Variants in CENPF observed in about 807,000 individuals in gnomAD.
The protein encoded by CENPF is centromere protein F.
In CENPF, 214 loss-of-function variants were observed where a neutral mutation model predicts 307.3. The observed-to-expected ratio is 0.70, with a 90% CI of 0.62 to 0.78. The LOEUF is 0.78. Among genes scored for constraint, CENPF ranks in the 30% least tolerant of loss-of-function variants. The pLI, the probability that CENPF is intolerant of heterozygous loss-of-function variation, is 0.00. For synonymous variants in CENPF, 1,259 were observed against 1,270.6 expected (o/e 0.99, Z 0.19); for missense variants, 3,401 against 3,483.9 (o/e 0.98, Z 0.60).
rs151037491 is a variant in CENPF at position 214,630,674 on chromosome 1, G to GTCTCTCTC, written c.1323+19_1323+26dup. 6.3e-7 allele frequency: 1 copy of GTCTCTCTC among 1,598,008 alleles called. No homozygotes were observed. The highest frequency in any genetic ancestry group is 8.5e-7 in the Non-Finnish European group (1 of 1,170,026). On this transcript the variant is annotated intron_variant, in intron 9 of 19. Coordinates refer to ENST00000366955, the MANE Select transcript of CENPF (RefSeq NM_016343.4). ...CTGAACTGGATAAAGTAGGGGCCGT[G>GTCTCTCTC]TCTCTCTCTCTCTCCTTAATCATCC...
At position 214,642,966 on chromosome 1, in the gene CENPF, C is replaced by T. The variant is rs141012292; in HGVS notation, c.4628C>T (p.Ser1543Leu). Residue 1543 changes from serine (S) to leucine (L), a missense_variant, in exon 12 of 20, where the codon TCG becomes TTG. Physicochemically the swap from Ser to Leu is moderately radical, Grantham distance 145. Coordinates refer to ENST00000366955, the MANE Select transcript of CENPF (RefSeq NM_016343.4). ...AATCTGACCAGGAAAGAAACCCCTT[C>T]GGCCCCAGCGAAGGGTGTTGAAGAG... is the stretch of plus-strand genomic sequence containing the variant. ...EENLTRKETP[S>L]APAKGVEELE... is the part of the protein sequence containing the mutation. The T allele has an allele frequency of 1.2e-4, 196 of 1,612,722 alleles. 2 individuals carry two copies. In the African/African-American group the frequency reaches 1.2e-3, roughly 10 times the overall value.
chr1:214,625,669 G>C (rs1343747143), intron 7 of CENPF, among the ~76,000 whole-genome samples: 1 of 150,682 alleles, frequency 6.6e-6, no homozygotes, highest in South Asian at 2.1e-4. Flanking sequence ...CTGCCTTTGC[G>C]GGTTGTTTGA....
Position 214,613,872 on chromosome 1 carries a change from C to G in CENPF, c.118C>G (p.Gln40Glu), listed in dbSNP as rs770770181. Residue 40 changes from glutamine to glutamate, a missense_variant, in exon 2 of 20, where the codon CAG becomes GAG. By Grantham distance (29) the Gln-to-Glu change is conservative (BLOSUM62 2). Coordinates refer to ENST00000366955, the MANE Select transcript of CENPF (RefSeq NM_016343.4). The part of the protein sequence containing the change: ...LKKEKQQRQF[Q>E]LDSLEAALQK... Reference sequence around the variant, plus strand: ...GAAGGAAAAGCAGCAAAGGCAGTTTCAGCTTGACAGTCTCGAGGCTGCGCT... The same window carrying G: ...GAAGGAAAAGCAGCAAAGGCAGTTTGAGCTTGACAGTCTCGAGGCTGCGCT... 1.2e-6 allele frequency: 2 copies of G among 1,613,838 alleles called. No homozygotes were observed. The highest frequency in any genetic ancestry group is 2.2e-5 in the South Asian group (2 of 90,980).
chr1:214,649,390 CAG>C (rs1205182374), intron 14 of CENPF, among the ~76,000 whole-genome samples: 1 of 152,178 alleles, frequency 6.6e-6, no homozygotes, highest in Non-Finnish European at 1.5e-5. Context: ...TGCTACCATG[CAG>C]AGAGAGCTGG....
At position 214,622,903 on chromosome 1, in the gene CENPF, G is replaced by A. The variant is rs200455865; in HGVS notation, c.1068+622G>A. On this transcript the variant is annotated intron_variant, in intron 7 of 19. Transcript: ENST00000366955. ...TCATGGATTCAACCAACTATGGATC[G>A]TAAGTATTTAGGGGGAAAAAGAAAA... Among the ~76,000 whole-genome samples the A allele has an allele frequency of 4.6e-5, 7 of 151,712 alleles. No individual in the cohort carries two copies. The East Asian group carries it at 9.7e-4, about 21-fold the overall frequency.
chr1:214,633,718 G>A (rs1409270436), intron 10 of CENPF, among the ~76,000 whole-genome samples: 1 of 147,496 alleles, frequency 6.8e-6, no homozygotes, highest in Admixed American at 6.6e-5. Flanking sequence ...GGAGATAGGG[G>A]GCTGCAGCTC....
intron 18 of CENPF, among the ~76,000 whole-genome samples, chr1:214,657,845 CA>C (rs1490007270): frequency 1.3e-5 from 2 of 152,104 alleles, no homozygotes; most frequent in Non-Finnish European, 2.9e-5. Flanking sequence ...GGTTTTCCCC[CA>C]AGTCTGGCCC....
chr1:214,609,916 C>G (rs898939524), intron 1 of CENPF, among the ~76,000 whole-genome samples: 1 of 151,748 alleles, frequency 6.6e-6, no homozygotes, highest in African/African-American at 2.4e-5. Flanking sequence ...TATATGTGTA[C>G]TACATTTTGT....
intron 1 of CENPF, among the ~76,000 whole-genome samples, chr1:214,606,267 G>A (rs1657028642): frequency 6.6e-6 from 1 of 152,068 alleles, no homozygotes; most frequent in South Asian, 2.1e-4. Flanking sequence ...GCGGCGGTGG[G>A]CGAAGCCAGC....
intron 7 of CENPF, among the ~76,000 whole-genome samples, chr1:214,628,380 G>GGTT (rs1490924431): frequency 6.6e-6 from 1 of 151,846 alleles, no homozygotes; most frequent in African/African-American, 2.4e-5. Context: ...TGTGGTGCAA[G>GGTT]GTTTTTTTTT....
intron 10 of CENPF, among the ~76,000 whole-genome samples, chr1:214,636,341 T>G (rs1172775371): frequency 6.6e-6 from 1 of 152,216 alleles, no homozygotes; most frequent in African/African-American, 2.4e-5. Flanking sequence ...TTTGCAAAGT[T>G]TAACACTGAC....
intron 10 of CENPF, among the ~76,000 whole-genome samples, chr1:214,635,234 G>A (rs1012389747): frequency 6.6e-6 from 1 of 152,224 alleles, no homozygotes; most frequent in Non-Finnish European, 1.5e-5. Context: ...CCTTATCCAA[G>A]TATATAGGCT....
rs2102422491 is a variant in CENPF, at chr1:214,659,401, C to T, written c.9141+373C>T. On this transcript the variant is annotated intron_variant, in intron 19 of 19. Coordinates refer to ENST00000366955, the MANE Select transcript of CENPF (RefSeq NM_016343.4). The surrounding 1 kb of genome is among the most constrained non-coding windows in gnomAD (Gnocchi z 4.4). The stretch of plus-strand genomic sequence containing the variant: ...CAAACTTTACTCTCACTTATCTGCC[C>T]CCAGCTGCTAATTCTTTATTGTTTT... Among the ~76,000 whole-genome samples, 1 of 151,938 alleles carries T rather than the reference C, an allele frequency of 6.6e-6. No individual in the cohort carries two copies. The highest frequency in any genetic ancestry group is 2.4e-5 in the African/African-American group (1 of 41,428).
At chr1:214,608,589 G>A in intron 1 of CENPF, 1 of 1,609,450 alleles carries the variant, frequency 6.2e-7, no homozygotes, top group East Asian at 2.2e-5. Flanking sequence ...CCTCAATGGT[G>A]TCCAGCTCGC....
In CENPF at chr1:214,614,931, C is replaced by G; in HGVS notation, c.262C>G (p.His88Asp). ...SLEKTKQKIS[H>D]ELQVKESQVN... ...GGAGAAAACTAAGCAGAAGATTTCT[C>G]ATGAACTTCAAGTCAAGGAGTCACA... Residue 88 changes from histidine to aspartate, a missense_variant, in exon 3 of 20, where the codon CAT becomes GAT. Transcript: ENST00000366955. 6.2e-7 allele frequency: 1 copy of G among 1,611,918 alleles called. No homozygotes were observed. Among genetic ancestry groups the G allele is most frequent in the South Asian group, 1.1e-5 (1 of 90,572 alleles).
chr1:214,605,678 G>A lies in CENPF; in HGVS notation c.-42+2357G>A. ...GTCTGGCCGGTTGGTGCCGCCGCTA[G>A]GCGAGCTGGCTGGCAGCTCCTGGGA... On this transcript the variant is annotated intron_variant, in intron 1 of 19. Coordinates refer to ENST00000366955, the MANE Select transcript of CENPF (RefSeq NM_016343.4). 10 of 1,584,742 alleles carry A rather than the reference G, an allele frequency of 6.3e-6. No individual in the cohort carries two copies. In the South Asian group the frequency reaches 8.9e-5, roughly 14 times the overall value.
rs1571719175 is a variant in CENPF, at chr1:214,645,436, G to A, written c.5866G>A (p.Val1956Ile). The A allele has an allele frequency of 6.2e-7, 1 of 1,614,058 alleles. No individual in the cohort carries two copies. The change falls in exon 13 of 20, where the codon GTC becomes ATC. Residue 1956 changes from valine (V) to isoleucine (I), a missense_variant. Physicochemically the swap from Val to Ile is conservative, Grantham distance 29. Coordinates refer to ENST00000366955, the MANE Select transcript of CENPF (RefSeq NM_016343.4). ...IVCLEEELSV[V>I]TSERNQLRGE... ...CTGCCTTGAAGAAGAACTCTCAGTG[G>A]TCACAAGTGAGAGAAACCAGCTTCG...
At chr1:214,636,289 C>G (rs1245349013) in intron 10 of CENPF, among the ~76,000 whole-genome samples, 8 of 152,144 alleles carry the variant, frequency 5.3e-5, no homozygotes, top group Admixed American at 5.2e-4. Context: ...TTTAATGATG[C>G]TAATTTAAAT....
At chr1:214,615,157 C>A in intron 3 of CENPF, 129 bp downstream of exon 3, 1 of 565,326 alleles carries the variant, frequency 1.8e-6, no homozygotes, top group Non-Finnish European at 3.1e-6. Flanking sequence ...AGTAATGATT[C>A]GGTCTCTGTA....
Sources: allele counts gnomAD v4.1 joint callset (sites outside exome capture counted in the v4.1 genomes callset), GRCh38; gene constraint gnomAD v4.1.1; non-coding constraint Gnocchi (gnomAD v3.1); transcripts MANE v1.5; gene names NCBI Gene and HGNC (gene_info 2026-07-23, HGNC 2026-07-21).